MLLT1: variants seen among roughly 807,000 people sequenced by gnomAD.
The protein encoded by MLLT1 is protein ENL.
Under a neutral mutation model 55.1 loss-of-function variants are expected in MLLT1, and 11 were observed. That is an observed-to-expected ratio of 0.20 (90% CI 0.13 to 0.33). The LOEUF (loss-of-function observed/expected upper bound fraction) is 0.33. MLLT1 is among the 10% of genes least tolerant of loss of function. The pLI, the probability that MLLT1 is intolerant of heterozygous loss-of-function variation, is 1.00. For missense variants in MLLT1, 536 were observed against 760.6 expected, an observed-to-expected ratio of 0.70 and a Z score of 3.47; for synonymous variants, 323 against 320.1, an observed-to-expected ratio of 1.01 and a Z score of -0.10.
chr19:6,213,198 G>C lies in MLLT1; in HGVS notation c.1552-28C>G, dbSNP rs768876319. 8 of 1,613,652 alleles carry C rather than the reference G, an allele frequency of 5.0e-6. No individual in the cohort carries two copies. The East Asian group carries it at 1.8e-4, about 36-fold the overall frequency. ...GTAAGGTGGTGGCAGGTGGCTTCAG[G>C]GGCAGGGGGCCAAGGGTGGGGTTGC... On this transcript the variant is annotated intron_variant, in intron 11 of 11. Coordinates refer to ENST00000252674, the MANE Select transcript of MLLT1 (RefSeq NM_005934.4).
intron 1 of MLLT1, among the ~76,000 whole-genome samples, chr19:6,274,037 A>C (rs1272230307): frequency 6.6e-6 from 1 of 152,246 alleles, no homozygotes; most frequent in Non-Finnish European, 1.5e-5. Flanking sequence ...CCGGGCCCAA[A>C]GTGCTGCCCA....
chr19:6,239,679 T>C (rs577907543), intron 3 of MLLT1, among the ~76,000 whole-genome samples: 1 of 151,706 alleles, frequency 6.6e-6, no homozygotes, highest in East Asian at 1.9e-4. Context: ...CCTACCTGTG[T>C]ACAAACACAC....
intron 3 of MLLT1, among the ~76,000 whole-genome samples, chr19:6,239,439 C>A (rs1348981411): frequency 1.3e-5 from 2 of 152,208 alleles, no homozygotes; most frequent in African/African-American, 2.4e-5. Context: ...CCAGGGAACA[C>A]GACATGGACC....
chr19:6,268,525 A>G (rs768159931), intron 2 of MLLT1, among the ~76,000 whole-genome samples: 1 of 152,226 alleles, frequency 6.6e-6, no homozygotes, highest in Non-Finnish European at 1.5e-5. Flanking sequence ...TTGATTTGTG[A>G]TAATGTAAGC....
In MLLT1 at chr19:6,229,629, C is replaced by A. The variant is rs1299459860; in HGVS notation, c.420+941G>T. Among the ~76,000 whole-genome samples the A allele has an allele frequency of 6.6e-6, 1 of 151,872 alleles. No homozygotes were observed. Among genetic ancestry groups the A allele is most frequent in the Non-Finnish European group, 1.5e-5 (1 of 67,934 alleles). ...AGTGACACGACACACACGCCATGCA[C>A]ACACCATACATGACACAGCAGACAG... On this transcript the variant is annotated intron_variant, in intron 4 of 11. Transcript: ENST00000252674. The surrounding 1 kb of genome is among the most constrained non-coding windows in gnomAD (Gnocchi z 5.2).
rs914544193 is a variant in MLLT1 at position 6,230,212 on chromosome 19, A to G, written c.420+358T>C. On this transcript the variant is annotated intron_variant, in intron 4 of 11. Transcript: ENST00000252674. The surrounding 1 kb of genome is among the most constrained non-coding windows in gnomAD (Gnocchi z 9.0). Reference sequence around the variant, plus strand: ...GAAGTCAGAGGTGATGGCGATGCGCACGGCAGGGGCCCTGTGCGGAGGCCC... The same window carrying G: ...GAAGTCAGAGGTGATGGCGATGCGCGCGGCAGGGGCCCTGTGCGGAGGCCC... Among the ~76,000 whole-genome samples the G allele has an allele frequency of 6.6e-6, 1 of 152,192 alleles. No individual in the cohort carries two copies. The highest frequency in any genetic ancestry group is 1.5e-5 in the Non-Finnish European group (1 of 68,024).
rs538481022 is a variant in MLLT1 at position 6,219,849 on chromosome 19, C to G, written c.1111-1808G>C. Among the ~76,000 whole-genome samples, 6 of 152,366 alleles carry G rather than the reference C, an allele frequency of 3.9e-5. No homozygotes were observed. Among genetic ancestry groups the G allele is most frequent in the Non-Finnish European group, 7.3e-5 (5 of 68,040 alleles). Reference sequence around the variant, plus strand: ...AAGCCTGTCCTGGCGCCGTGCCAGACAGAGGAAAGCCAGTCAGGCACACGC... The same window carrying G: ...AAGCCTGTCCTGGCGCCGTGCCAGAGAGAGGAAAGCCAGTCAGGCACACGC... On this transcript the variant is annotated intron_variant, in intron 6 of 11. Coordinates refer to ENST00000252674, the MANE Select transcript of MLLT1 (RefSeq NM_005934.4). The surrounding 1 kb of genome is among the most constrained non-coding windows in gnomAD (Gnocchi z 4.5).
intron 3 of MLLT1, among the ~76,000 whole-genome samples, chr19:6,253,800 C>T (rs909959029): frequency 6.6e-5 from 10 of 152,046 alleles, no homozygotes; most frequent in African/African-American, 1.7e-4. Flanking sequence ...TTTAGAAAAA[C>T]GTCATTCAGC....
chr19:6,239,417 C>A (rs1287693872), intron 3 of MLLT1, among the ~76,000 whole-genome samples: 4 of 152,218 alleles, frequency 2.6e-5, no homozygotes, highest in Non-Finnish European at 5.9e-5. Context: ...TAAATGACAG[C>A]TGACACAAAT....
Position 6,262,366 on chromosome 19 carries a change from C to T in MLLT1, c.194-56G>A. 3 of 1,492,404 alleles carry T rather than the reference C, an allele frequency of 2.0e-6. No individual in the cohort carries two copies. Among genetic ancestry groups the T allele is most frequent in the Non-Finnish European group, 2.8e-6 (3 of 1,075,832 alleles). 92.4% of individuals were successfully genotyped at this position (1,492,404 alleles called of 1,614,324 possible). On this transcript the variant is annotated intron_variant, in intron 2 of 11. Coordinates refer to ENST00000252674, the MANE Select transcript of MLLT1 (RefSeq NM_005934.4). The surrounding 1 kb of genome is among the most constrained non-coding windows in gnomAD (Gnocchi z 4.4). The stretch of plus-strand genomic sequence containing the variant: ...AGCCTCCTGCCTGTTTCAGGCCCAG[C>T]TGCCAGCGGCAGTACCGCACCCCTC...
intron 3 of MLLT1, among the ~76,000 whole-genome samples, chr19:6,239,284 A>C (rs1393937158): frequency 6.6e-6 from 1 of 152,246 alleles, no homozygotes; most frequent in Non-Finnish European, 1.5e-5. Flanking sequence ...TCATCCCTGA[A>C]ATCCCACGTC....
intron 6 of MLLT1, among the ~76,000 whole-genome samples, chr19:6,221,739 C>T (rs904914806): frequency 1.4e-4 from 22 of 152,224 alleles, no homozygotes; most frequent in African/African-American, 5.3e-4. Context: ...CCGGGCTGAC[C>T]ACGCCATGGT....
intron 7 of MLLT1, chr19:6,216,813 G>A (rs2090849584): frequency 5.0e-6 from 2 of 398,500 alleles, no homozygotes; most frequent in East Asian, 5.2e-5. Context: ...TGCAGCCGGA[G>A]GAGAACCCCT....
At position 6,219,862 on chromosome 19, in the gene MLLT1, G is replaced by C. The variant is rs2090878591; in HGVS notation, c.1111-1821C>G. Among the ~76,000 whole-genome samples the C allele has an allele frequency of 6.6e-6, 1 of 152,270 alleles. No individual in the cohort carries two copies. Among genetic ancestry groups the C allele is most frequent in the African/African-American group, 2.4e-5 (1 of 41,470 alleles). On this transcript the variant is annotated intron_variant, in intron 6 of 11. Transcript: ENST00000252674. This position sits in a 1 kb window ranked among gnomAD's most constrained non-coding sequence, Gnocchi z 4.5. ...CGCCGTGCCAGACAGAGGAAAGCCA[G>C]TCAGGCACACGCATCCCCTTTCCTT...
intron 1 of MLLT1, among the ~76,000 whole-genome samples, chr19:6,278,179 C>G (rs867089387): frequency 6.6e-6 from 1 of 152,190 alleles, no homozygotes; most frequent in Non-Finnish European, 1.5e-5. Context: ...TTGGCTGCCA[C>G]CCCCACAGCC....
rs1460078692 is a variant in MLLT1 at position 6,212,794 on chromosome 19, T to A, written c.*248A>T. Reference sequence around the variant, plus strand: ...GAGCTGCCTTCAACACCAGCCGCTCTCTGAGGGGAGCCCAGAGAGCCCGGG... The same window carrying A: ...GAGCTGCCTTCAACACCAGCCGCTCACTGAGGGGAGCCCAGAGAGCCCGGG... On this transcript the variant is annotated 3_prime_UTR_variant, in exon 12 of 12. Coordinates refer to ENST00000252674, the MANE Select transcript of MLLT1 (RefSeq NM_005934.4). 7 of 936,048 alleles carry A rather than the reference T, an allele frequency of 7.5e-6. No individual in the cohort carries two copies. Among genetic ancestry groups the A allele is most frequent in the Non-Finnish European group, 1.0e-5 (7 of 693,608 alleles). 58.0% of individuals were successfully genotyped at this position (936,048 alleles called of 1,614,324 possible).
At position 6,213,967 on chromosome 19, in the gene MLLT1, G is replaced by T. The variant is rs767630598; in HGVS notation, c.1379C>A (p.Pro460His). 2 of 1,459,484 alleles carry T rather than the reference G, an allele frequency of 1.4e-6. No individual in the cohort carries two copies. Among genetic ancestry groups the T allele is most frequent in the South Asian group, 1.5e-5 (1 of 66,202 alleles). 90.4% of individuals were successfully genotyped at this position (1,459,484 alleles called of 1,614,324 possible). A position where few individuals can be genotyped will look rare whatever the true frequency, so the allele number is the denominator to read the frequency against. ...GCTGTTGGGCGGGGGTGGCTTCTGG[G>T]GGGGTGGGGGCTCACGGCTGGGCAG... ...SSLPSREPPP[P>H]QKPPPPNSKV... The change falls in exon 9 of 12, where the codon CCC becomes CAC. Residue 460 changes from proline to histidine, a missense_variant. Coordinates refer to ENST00000252674, the MANE Select transcript of MLLT1 (RefSeq NM_005934.4).
Position 6,212,531 on chromosome 19 carries a change from G to T in MLLT1, c.*511C>A. 1 of 1,078,320 alleles carries T rather than the reference G, an allele frequency of 9.3e-7. No individual in the cohort carries two copies. The allele number at this position is 1,078,320 out of a possible 1,614,324, so 66.8% of individuals were successfully genotyped here. A position where few individuals can be genotyped will look rare whatever the true frequency, so the allele number is the denominator to read the frequency against. On this transcript the variant is annotated 3_prime_UTR_variant, in exon 12 of 12. Transcript: ENST00000252674. ...TACAGCACAGACCCCAGCGCAGCGCGAGCCGGGGAGGAGCCGGCGCTAGGT... is the reference window on the plus strand; with the variant it reads ...TACAGCACAGACCCCAGCGCAGCGCTAGCCGGGGAGGAGCCGGCGCTAGGT...
chr19:6,222,088 C>A lies in MLLT1; in HGVS notation c.1110+33G>T. 2 of 1,457,520 alleles carry A rather than the reference C, an allele frequency of 1.4e-6. No individual in the cohort carries two copies. Among genetic ancestry groups the A allele is most frequent in the Non-Finnish European group, 1.8e-6 (2 of 1,100,328 alleles). The allele number at this position is 1,457,520 out of a possible 1,614,324, so 90.3% of individuals were successfully genotyped here. A position where few individuals can be genotyped will look rare whatever the true frequency, so the allele number is the denominator to read the frequency against. On this transcript the variant is annotated intron_variant, in intron 6 of 11. Coordinates refer to ENST00000252674, the MANE Select transcript of MLLT1 (RefSeq NM_005934.4). The surrounding 1 kb of genome is among the most constrained non-coding windows in gnomAD (Gnocchi z 4.1). Reference sequence around the variant, plus strand: ...GAGGCGGGTCCCACCACACTGCCTGCACCTGGCTGCCCTGCCCCCAGCACT... The same window carrying A: ...GAGGCGGGTCCCACCACACTGCCTGAACCTGGCTGCCCTGCCCCCAGCACT...
Sources: gnomAD v4.1 joint callset for allele counts (sites outside exome capture counted in the v4.1 genomes callset) on GRCh38, gnomAD v4.1.1 for gene constraint, Gnocchi (gnomAD v3.1) non-coding constraint, MANE v1.5 for transcripts, NCBI Gene and HGNC (gene_info 2026-07-23, HGNC 2026-07-21) for gene names.